Variants in PIP5K1A observed in about 807,000 individuals in gnomAD.
PIP5K1A encodes the protein phosphatidylinositol-4-phosphate 5-kinase type 1 alpha, also known as phosphatidylinositol 4-phosphate 5-kinase type-1 alpha.
A neutral mutation model predicts 72.9 loss-of-function variants in PIP5K1A; 46 were observed. The observed-to-expected ratio is 0.63, with a 90% CI of 0.50 to 0.81. The LOEUF (loss-of-function observed/expected upper bound fraction) is 0.81, where lower values mean the gene tolerates loss of function less well. Among genes scored for constraint, PIP5K1A ranks in the 30% least tolerant of loss-of-function variants. The pLI is 0.00. For missense variants in PIP5K1A, 458 were observed against 706.1 expected (o/e 0.65, Z 3.98); for synonymous variants, 228 against 255.1 (o/e 0.89, Z 1.01).
At chr1:151,242,939 C>T (rs1229367073) in intron 14 of PIP5K1A, among the ~76,000 whole-genome samples, 1 of 152,208 alleles carries the variant, frequency 6.6e-6, no homozygotes, top group Admixed American at 6.5e-5. Context: ...CAGTTCTTTG[C>T]TACATGGACT....
intron 1 of PIP5K1A, among the ~76,000 whole-genome samples, chr1:151,203,891 GCTTCAGA>G: frequency 6.6e-6 from 1 of 151,642 alleles, no homozygotes; most frequent in Non-Finnish European, 1.5e-5. Context: ...AGTTCCTTTT[GCTTCAGA>G]CTAGAACATT....
At chr1:151,238,116 TC>T in intron 9 of PIP5K1A, 65 bp from the exon 10 acceptor site, 1 of 954,184 alleles carries the variant, frequency 1.0e-6, no homozygotes, top group Non-Finnish European at 1.7e-6. Context: ...AGGTTTCACT[TC>T]CCCATCCTGA....
At chr1:151,219,531 T>TA (rs1558259516) in intron 1 of PIP5K1A, among the ~76,000 whole-genome samples, 14 of 147,930 alleles carry the variant, frequency 9.5e-5, no homozygotes, top group African/African-American at 3.5e-4. Context: ...TACAAAAAAT[T>TA]TAAAAAAAAA....
intron 1 of PIP5K1A, among the ~76,000 whole-genome samples, chr1:151,209,095 A>G (rs1026792658): frequency 4.6e-5 from 7 of 150,948 alleles, no homozygotes; most frequent in African/African-American, 1.5e-4. Context: ...CTCAGGAGGC[A>G]GGTTGACATT....
chr1:151,227,075 T>C (rs1689255745), intron 3 of PIP5K1A, among the ~76,000 whole-genome samples: 1 of 152,184 alleles, frequency 6.6e-6, no homozygotes, highest in Non-Finnish European at 1.5e-5. Context: ...TGTGTCTTCT[T>C]TCTGAGGACC....
At chr1:151,204,172 TGA>T (rs1685602693) in intron 1 of PIP5K1A, among the ~76,000 whole-genome samples, 2 of 152,094 alleles carry the variant, frequency 1.3e-5, no homozygotes, top group South Asian at 4.2e-4. Flanking sequence ...GGATTATTGT[TGA>T]TATATATATA....
At chr1:151,231,969 C>G (rs762773437) in intron 5 of PIP5K1A, among the ~76,000 whole-genome samples, 168 bp downstream of exon 5, 3 of 152,146 alleles carry the variant, frequency 2.0e-5, no homozygotes, top group Non-Finnish European at 2.9e-5. Flanking sequence ...AGATACTGTC[C>G]TCTAGATGCT....
At chr1:151,242,648 A>G (rs1386111982) in intron 14 of PIP5K1A, 81 bp downstream of exon 14, 5 of 1,190,094 alleles carry the variant, frequency 4.2e-6, no homozygotes, top group African/African-American at 3.1e-5. Flanking sequence ...TGATTGCATC[A>G]TAATAAATTA....
Position 151,246,944 on chromosome 1 carries a change from T to G in PIP5K1A, c.1665T>G (p.Val555=), listed in dbSNP as rs187988156. 32 of 1,613,618 alleles carry G rather than the reference T, an allele frequency of 2.0e-5. No individual in the cohort carries two copies. The highest frequency in any genetic ancestry group is 2.4e-5 in the Non-Finnish European group (28 of 1,179,676). ...GTACAACCTTGGAAAAGCTTGAAGT[T>G]GCAGAGTCAGAGTTCACCCATGTGA... ...TTSTTLEKLE[V]AESEFTH is the part of the protein sequence containing the mutation. The change falls in exon 15 of 16, where the codon GTT becomes GTG. Residue 555 remains valine (V), a synonymous_variant. Transcript: ENST00000368888.
At chr1:151,235,937 A>G (rs1190305910) in intron 8 of PIP5K1A, among the ~76,000 whole-genome samples, 1 of 151,380 alleles carries the variant, frequency 6.6e-6, no homozygotes, top group Non-Finnish European at 1.5e-5. Context: ...CCTGGCCAAC[A>G]TGGTGAAACC....
chr1:151,227,706 C>T (rs966769160), intron 4 of PIP5K1A, among the ~76,000 whole-genome samples: 11 of 152,164 alleles, frequency 7.2e-5, no homozygotes, highest in Non-Finnish European at 1.3e-4. Context: ...ACCTGGCCAA[C>T]ATGATGAAAC....
intron 14 of PIP5K1A, among the ~76,000 whole-genome samples, chr1:151,246,124 A>G (rs1490963172): frequency 6.6e-6 from 1 of 152,062 alleles, no homozygotes; most frequent in African/African-American, 2.4e-5. Flanking sequence ...ATTTGTGCCT[A>G]TAATCCCAGG....
intron 1 of PIP5K1A, among the ~76,000 whole-genome samples, chr1:151,204,732 C>G (rs1215871035): frequency 1.3e-5 from 2 of 152,158 alleles, no homozygotes; most frequent in Non-Finnish European, 2.9e-5. Context: ...CCACCCACCC[C>G]TTTTTCCTTT....
intron 3 of PIP5K1A, among the ~76,000 whole-genome samples, chr1:151,224,975 T>C (rs1688896414): frequency 6.6e-6 from 1 of 152,132 alleles, no homozygotes; most frequent in East Asian, 1.9e-4. Context: ...TCAGGTGATA[T>C]ACTGAGAGTT....
At chr1:151,243,862 T>C (rs1692109323) in intron 14 of PIP5K1A, among the ~76,000 whole-genome samples, 1 of 150,262 alleles carries the variant, frequency 6.7e-6, no homozygotes, top group East Asian at 1.9e-4. Flanking sequence ...CTCATAAATA[T>C]CTTCTTTATG....
intron 11 of PIP5K1A, 75 bp downstream of exon 11, chr1:151,239,253 C>T: frequency 2.1e-6 from 2 of 938,448 alleles, no homozygotes; most frequent in South Asian, 3.0e-5. Flanking sequence ...CAGTTTCTTG[C>T]AATTTTTTCT....
At chr1:151,247,192 A>G (rs749911391) in intron 15 of PIP5K1A, among the ~76,000 whole-genome samples, 2 of 151,640 alleles carry the variant, frequency 1.3e-5, no homozygotes, top group African/African-American at 2.4e-5. Flanking sequence ...CAGTGGTGCA[A>G]TCTCAGCTCA....
chr1:151,206,523 T>G (rs1186042492), intron 1 of PIP5K1A, among the ~76,000 whole-genome samples: 1 of 152,022 alleles, frequency 6.6e-6, no homozygotes, highest in African/African-American at 2.4e-5. Context: ...GTTTGTTTGT[T>G]TTTAGGATAT....
chr1:151,216,078 C>A, intron 1 of PIP5K1A: 1 of 737,852 alleles, frequency 1.4e-6, no homozygotes, highest in Non-Finnish European at 2.1e-6. Flanking sequence ...TTCCCCATAA[C>A]AGTTGCAGAC....
Sources: gnomAD v4.1 joint callset for allele counts (sites outside exome capture counted in the v4.1 genomes callset) on GRCh38, gnomAD v4.1.1 for gene constraint, MANE v1.5 for transcripts, NCBI Gene and HGNC (gene_info 2026-07-23, HGNC 2026-07-21) for gene names.